The following PDAP1 variants were observed in gnomAD, a reference collection of about 807,000 sequenced individuals.
PDAP1 encodes 28 kDa heat- and acid-stable phosphoprotein.
In PDAP1, 13 loss-of-function variants were observed where a neutral mutation model predicts 28.0. The ratio of observed to expected loss-of-function variants is 0.46; its 90% CI spans 0.30 to 0.74. The LOEUF (loss-of-function observed/expected upper bound fraction) is 0.74. PDAP1 is among the 30% of genes least tolerant of loss of function. The probability of loss-of-function intolerance (pLI) is 0.07; values close to 1 mark genes in which losing one functional copy is unlikely to be tolerated. For missense variants in PDAP1, 150 were observed against 230.0 expected (o/e 0.65, Z 2.25); for synonymous variants, 77 against 85.1 (o/e 0.91, Z 0.52).
chr7:99,401,571 C>T (rs529275825), intron 3 of PDAP1, among the ~76,000 whole-genome samples: 23 of 152,264 alleles, frequency 1.5e-4, no homozygotes, highest in South Asian at 4.1e-4. Context: ...GTGATCCGCC[C>T]GCCTTGGCCT....
rs1366363077 is a variant in PDAP1 at position 99,404,849 on chromosome 7, G to C, written c.105+13C>G. ...CTGGGCCACTGGCGTGGCCTGGACA[G>C]GCACGTACTCACCCTGGCCTTCTGC... On this transcript the variant is annotated intron_variant, in intron 2 of 5. Transcript: ENST00000350498. 1 of 1,607,362 alleles carries C rather than the reference G, an allele frequency of 6.2e-7. No individual in the cohort carries two copies. The highest frequency in any genetic ancestry group is 1.3e-5 in the African/African-American group (1 of 74,800).
In PDAP1 at chr7:99,395,021, G is replaced by A. The variant is rs1010895463; in HGVS notation, c.*1661C>T. The A allele has an allele frequency of 2.8e-5, 6 of 214,048 alleles. No individual in the cohort carries two copies. Among genetic ancestry groups the A allele is most frequent in the Non-Finnish European group, 4.3e-5 (5 of 117,350 alleles). 13.3% of individuals were successfully genotyped at this position (214,048 alleles called of 1,614,324 possible). On this transcript the variant is annotated 3_prime_UTR_variant, in exon 6 of 6. Coordinates refer to ENST00000350498, the MANE Select transcript of PDAP1 (RefSeq NM_014891.7). ...AACAAAATTGATCCTGAAGCCCAAC[G>A]GCCTTATGCCAAATGGTTCCCTCCC...
At chr7:99,408,045 AG>A (rs1486181700) in intron 1 of PDAP1, among the ~76,000 whole-genome samples, 1 of 152,164 alleles carries the variant, frequency 6.6e-6, no homozygotes, top group Non-Finnish European at 1.5e-5. Flanking sequence ...ACTGGCTCAA[AG>A]GAACACACCG....
In PDAP1 at chr7:99,396,502, GT is replaced by G. The variant is rs1393113209; in HGVS notation, c.*179del. The G allele has an allele frequency of 1.1e-3, 374 of 328,480 alleles. No homozygotes were observed. The highest frequency in any genetic ancestry group is 0.011 in the African/African-American group (208 of 19,514). 20.3% of individuals were successfully genotyped at this position (328,480 alleles called of 1,614,324 possible). On this transcript the variant is annotated 3_prime_UTR_variant, in exon 6 of 6. Transcript: ENST00000350498. Reference sequence around the variant, plus strand: ...AAAGATAGCAGCTACCCCTCCCCCAGTCCCCCCCCCCATCCCCCAAACAATT... The same window carrying G: ...AAAGATAGCAGCTACCCCTCCCCCAGCCCCCCCCCCATCCCCCAAACAATT...
intron 1 of PDAP1, among the ~76,000 whole-genome samples, chr7:99,406,792 T>C (rs1305466715): frequency 1.3e-5 from 2 of 152,352 alleles, no homozygotes; most frequent in East Asian, 3.9e-4. Context: ...GCAGAGATAC[T>C]GGCCTCCTCT....
chr7:99,401,384 A>G (rs1482709540), intron 3 of PDAP1, among the ~76,000 whole-genome samples: 1 of 152,088 alleles, frequency 6.6e-6, no homozygotes, highest in Non-Finnish European at 1.5e-5. Flanking sequence ...GCTGGAGGGC[A>G]ATGGCACAAT....
chr7:99,407,133 T>G lies in PDAP1; in HGVS notation c.13+1403A>C, dbSNP rs116584903. Reference sequence around the variant, plus strand: ...GCACTTAACATAATGGAAACAAGCGTTGGTCCTTTGCTCTTAGGGAGTTTG... The same window carrying G: ...GCACTTAACATAATGGAAACAAGCGGTGGTCCTTTGCTCTTAGGGAGTTTG... On this transcript the variant is annotated intron_variant, in intron 1 of 5. Transcript: ENST00000350498. Among the ~76,000 whole-genome samples, 631 of 152,328 alleles carry G rather than the reference T, an allele frequency of 4.1e-3. 2 individuals carry two copies. The highest frequency in any genetic ancestry group is 0.015 in the African/African-American group (604 of 41,584).
In PDAP1 at chr7:99,398,760, A is replaced by C. The variant is rs538942669; in HGVS notation, c.336-747T>G. On this transcript the variant is annotated intron_variant, in intron 4 of 5. Transcript: ENST00000350498. Reference sequence around the variant, plus strand: ...AGTGGAGGAAGCAGCCACAGGGCATAGGATGAGGACCACAGTGGGAAACAG... The same window carrying C: ...AGTGGAGGAAGCAGCCACAGGGCATCGGATGAGGACCACAGTGGGAAACAG... Among the ~76,000 whole-genome samples the C allele has an allele frequency of 2.0e-5, 3 of 152,340 alleles. No individual in the cohort carries two copies. In the South Asian group the frequency reaches 6.2e-4, roughly 32 times the overall value.
At position 99,400,359 on chromosome 7, in the gene PDAP1, G is replaced by C; in HGVS notation, c.279C>G (p.Thr93=). 6.2e-7 allele frequency: 1 copy of C among 1,613,932 alleles called. No individual in the cohort carries two copies. Among genetic ancestry groups the C allele is most frequent in the South Asian group, 1.1e-5 (1 of 91,074 alleles). The change falls in exon 4 of 6, where the codon ACC becomes ACG. Residue 93 remains threonine (T), a synonymous_variant. Transcript: ENST00000350498. The part of the protein sequence containing the change: ...IENPNRVAQT[T]KKVTQLDLDG... Reference sequence around the variant, plus strand: ...CCAGATCCAGTTGTGTGACCTTTTTGGTTGTCTGTGCCACCCGGTTGGGGT... The same window carrying C: ...CCAGATCCAGTTGTGTGACCTTTTTCGTTGTCTGTGCCACCCGGTTGGGGT...
Position 99,394,812 on chromosome 7 carries a change from A to G in PDAP1, c.*1870T>C. The G allele has an allele frequency of 1.6e-6, 2 of 1,229,824 alleles. No individual in the cohort carries two copies. Among genetic ancestry groups the G allele is most frequent in the Non-Finnish European group, 2.0e-6 (2 of 988,604 alleles). 76.2% of individuals were successfully genotyped at this position (1,229,824 alleles called of 1,614,324 possible). A position where few individuals can be genotyped will look rare whatever the true frequency, so the allele number is the denominator to read the frequency against. On this transcript the variant is annotated 3_prime_UTR_variant, in exon 6 of 6. Coordinates refer to ENST00000350498, the MANE Select transcript of PDAP1 (RefSeq NM_014891.7). ...AAAAAAAAAAAAAAAGTAATTATGGACATGCTTGCCTATGTGGAAGGAGAG... is the reference window on the plus strand; with the variant it reads ...AAAAAAAAAAAAAAAGTAATTATGGGCATGCTTGCCTATGTGGAAGGAGAG...
At position 99,408,537 on chromosome 7, in the gene PDAP1, T is replaced by C; in HGVS notation, c.12A>G (p.Gly4=). 7.8e-7 allele frequency: 1 copy of C among 1,288,526 alleles called. No individual in the cohort carries two copies. Among genetic ancestry groups the C allele is most frequent in the Non-Finnish European group, 9.8e-7 (1 of 1,015,254 alleles). 79.8% of individuals were successfully genotyped at this position (1,288,526 alleles called of 1,614,324 possible). A position where few individuals can be genotyped will look rare whatever the true frequency, so the allele number is the denominator to read the frequency against. The change falls in exon 1 of 6, where the codon GGA becomes GGG. Residue 4 remains glycine (G), a splice_region_variant and synonymous_variant. Transcript: ENST00000350498. Reference sequence around the variant, plus strand: ...GGGCCACCGGCGCCCGCCCCTCACCTCCTTTAGGCATTGCGGCTCCGGCGG... The same window carrying C: ...GGGCCACCGGCGCCCGCCCCTCACCCCCTTTAGGCATTGCGGCTCCGGCGG... MPK[G]GRKGGHKGRA...
At chr7:99,404,531 C>T (rs886732748) in intron 2 of PDAP1, among the ~76,000 whole-genome samples, 1 of 152,098 alleles carries the variant, frequency 6.6e-6, no homozygotes, top group African/African-American at 2.4e-5. Context: ...AGCAGACAAG[C>T]AGGGGTGCTG....
intron 1 of PDAP1, chr7:99,406,650 C>A (rs1221192236): frequency 1.0e-6 from 1 of 976,854 alleles, no homozygotes. Flanking sequence ...TCTGCTGGTC[C>A]CCAAGTATGC....
intron 1 of PDAP1, among the ~76,000 whole-genome samples, chr7:99,405,896 G>T (rs536745323): frequency 3.9e-5 from 6 of 152,316 alleles, no homozygotes; most frequent in Non-Finnish European, 7.3e-5. Context: ...AAAGATAGAT[G>T]AATTAATCAA....
At chr7:99,400,477 G>A in intron 3 of PDAP1, 53 bp from the exon 4 acceptor site, 1 of 1,609,236 alleles carries the variant, frequency 6.2e-7, no homozygotes, top group Non-Finnish European at 8.5e-7. Flanking sequence ...TGGAGCCCCT[G>A]AGGGCCACTC....
intron 3 of PDAP1, among the ~76,000 whole-genome samples, chr7:99,400,809 TC>T (rs1310544891): frequency 6.6e-6 from 1 of 152,120 alleles, no homozygotes; most frequent in African/African-American, 2.4e-5. Context: ...TGGGCTGGAA[TC>T]CCCAGGGCAG....
Position 99,397,905 on chromosome 7 carries a change from T to C in PDAP1, c.444A>G (p.Lys148=), listed in dbSNP as rs1169605235. The change falls in exon 5 of 6, where the codon AAA becomes AAG. Residue 148 remains lysine (K), a synonymous_variant. Transcript: ENST00000350498. The part of the protein sequence containing the change: ...ADLARLAIIR[K]QREEAARKKE... Reference sequence around the variant, plus strand: ...TCTTCCGGGCAGCCTCCTCCCGCTGTTTCCGGATGATGGCCAGCCGGGCCA... The same window carrying C: ...TCTTCCGGGCAGCCTCCTCCCGCTGCTTCCGGATGATGGCCAGCCGGGCCA... 16 of 1,613,818 alleles carry C rather than the reference T, an allele frequency of 9.9e-6. No homozygotes were observed. Among genetic ancestry groups the C allele is most frequent in the African/African-American group, 1.3e-5 (1 of 74,952 alleles).
intron 1 of PDAP1, chr7:99,406,477 T>C (rs1794974543): frequency 1.4e-6 from 1 of 731,384 alleles, no homozygotes; most frequent in African/African-American, 1.9e-5. Context: ...AAGAAATGAC[T>C]GGCAAAGTAC....
chr7:99,401,754 A>G (rs920552193), intron 3 of PDAP1, among the ~76,000 whole-genome samples: 1 of 147,582 alleles, frequency 6.8e-6, no homozygotes, highest in African/African-American at 2.5e-5. Context: ...GCTGGAGTGC[A>G]GTGGCATAGT....
Sources: gnomAD v4.1 joint callset for allele counts (sites outside exome capture counted in the v4.1 genomes callset) on GRCh38, gnomAD v4.1.1 for gene constraint, MANE v1.5 for transcripts, NCBI Gene and HGNC (gene_info 2026-07-23, HGNC 2026-07-21) for gene names.